Variants in SPRED2 observed in about 807,000 individuals in gnomAD.
SPRED2 encodes the protein sprouty-related, EVH1 domain-containing protein 2.
Under a neutral mutation model 43.0 loss-of-function variants are expected in SPRED2, and 47 were observed. That is an observed-to-expected ratio of 1.09 (90% CI 0.87 to 1.40). The LOEUF is 1.40. SPRED2 is among the 40% of genes most tolerant of loss of function. The pLI is 0.00. For synonymous variants in SPRED2, 225 were observed against 225.7 expected (o/e 1.00, Z 0.03); for missense variants, 561 against 586.4 (o/e 0.96, Z 0.45).
At chr2:65,381,362 T>C (rs144876263) in intron 1 of SPRED2, among the ~76,000 whole-genome samples, 1 of 152,192 alleles carries the variant, frequency 6.6e-6, no homozygotes, top group Non-Finnish European at 1.5e-5. Flanking sequence ...CCTTAACAGT[T>C]AAACACTCGG....
intron 2 of SPRED2, among the ~76,000 whole-genome samples, chr2:65,337,906 T>C (rs1674012961): frequency 6.6e-6 from 1 of 152,206 alleles, no homozygotes; most frequent in Non-Finnish European, 1.5e-5. Context: ...GTGGCAATAT[T>C]AAAAAATGTA....
intron 1 of SPRED2, among the ~76,000 whole-genome samples, chr2:65,408,371 T>TATG (rs1676073431): frequency 6.6e-6 from 1 of 151,952 alleles, no homozygotes; most frequent in South Asian, 2.1e-4. Context: ...TAAGGTAGAG[T>TATG]CAGAATTCAA....
At chr2:65,431,648 G>T (rs370723675) in intron 1 of SPRED2, among the ~76,000 whole-genome samples, 3 of 152,176 alleles carry the variant, frequency 2.0e-5, no homozygotes, top group Non-Finnish European at 4.4e-5. Flanking sequence ...TAGCCGCCGA[G>T]GATTTCGGGG....
chr2:65,391,403 G>C (rs1263805704), intron 1 of SPRED2, among the ~76,000 whole-genome samples: 2 of 152,178 alleles, frequency 1.3e-5, no homozygotes, highest in Admixed American at 6.5e-5. Context: ...TTCTGGTGTA[G>C]TTCCCGAAAT....
chr2:65,335,725 A>T (rs1351082841), intron 2 of SPRED2, among the ~76,000 whole-genome samples: 3 of 100,840 alleles, frequency 3.0e-5, no homozygotes, highest in Non-Finnish European at 6.3e-5. Flanking sequence ...AGATTATAAA[A>T]TAACCCCGTC....
At chr2:65,364,496 A>C (rs1487070226) in intron 1 of SPRED2, among the ~76,000 whole-genome samples, 1 of 152,228 alleles carries the variant, frequency 6.6e-6, no homozygotes, top group Non-Finnish European at 1.5e-5. Flanking sequence ...CTGATGGCTC[A>C]CAGTGCTTAA....
intron 1 of SPRED2, among the ~76,000 whole-genome samples, chr2:65,411,813 T>C (rs1003626046): frequency 2.0e-5 from 3 of 152,120 alleles, no homozygotes; most frequent in African/African-American, 7.2e-5. Flanking sequence ...GATTGAGTAC[T>C]CCGTAGTTTA....
downstream of SPRED2, among the ~76,000 whole-genome samples, chr2:65,310,654 C>G (rs554209682): frequency 6.6e-6 from 1 of 152,062 alleles, no homozygotes; most frequent in Non-Finnish European, 1.5e-5. Flanking sequence ...CTGAGGCATC[C>G]GAGCCCAAGG....
chr2:65,316,855 G>C lies in SPRED2; in HGVS notation c.467C>G (p.Ser156Cys). The change falls in exon 5 of 6, where the codon TCT becomes TGT. Residue 156 changes from serine to cysteine, a missense_variant. Transcript: ENST00000356388. ...TTATDSSSNS[S>C]QKREQPTRTI... is the part of the protein sequence containing the mutation. ...CCGAGTAGGTTGCTCTCTCTTCTGAGAGGAATTAGAAGAACTGTCTGTAGC... is the reference window on the plus strand; with the variant it reads ...CCGAGTAGGTTGCTCTCTCTTCTGACAGGAATTAGAAGAACTGTCTGTAGC... The C allele has an allele frequency of 1.2e-6, 2 of 1,613,930 alleles. No individual in the cohort carries two copies. The highest frequency in any genetic ancestry group is 1.7e-6 in the Non-Finnish European group (2 of 1,179,960).
At chr2:65,403,196 C>A (rs1049732947) in intron 1 of SPRED2, among the ~76,000 whole-genome samples, 1 of 152,208 alleles carries the variant, frequency 6.6e-6, no homozygotes, top group Non-Finnish European at 1.5e-5. Flanking sequence ...CAACAGCCTC[C>A]TAAGGAGACA....
At chr2:65,362,998 A>ATTTTTT (rs1558669510) in intron 1 of SPRED2, among the ~76,000 whole-genome samples, 1 of 102,158 alleles carries the variant, frequency 9.8e-6, no homozygotes, top group African/African-American at 4.4e-5. Context: ...TATGGTCATC[A>ATTTTTT]TGTTTTGTTT....
chr2:65,321,331 C>T (rs112617456), intron 4 of SPRED2, among the ~76,000 whole-genome samples: 19 of 152,166 alleles, frequency 1.2e-4, no homozygotes, highest in African/African-American at 4.3e-4. Context: ...TCTAAAAACA[C>T]TCTTGCCTTT....
chr2:65,417,656 A>C (rs1676319502), intron 1 of SPRED2, among the ~76,000 whole-genome samples: 1 of 152,230 alleles, frequency 6.6e-6, no homozygotes, highest in Non-Finnish European at 1.5e-5. Flanking sequence ...CACAGTACCC[A>C]AAACAGGCCT....
Position 65,344,664 on chromosome 2 carries a change from C to G in SPRED2, c.204+55G>C, listed in dbSNP as rs190182681. 96 of 1,589,036 alleles carry G rather than the reference C, an allele frequency of 6.0e-5. 2 individuals carry two copies. In the South Asian group the frequency reaches 1.0e-3, roughly 17 times the overall value. On this transcript the variant is annotated intron_variant, in intron 2 of 5. Transcript: ENST00000356388. ...TTAAGGAAAGAGGACTATGATTTAA[C>G]GTAAAGAAAGCAGTTGTTACTAATT... is the stretch of plus-strand genomic sequence containing the variant.
intron 1 of SPRED2, among the ~76,000 whole-genome samples, chr2:65,349,674 C>A (rs150172739): frequency 0.012 from 1,858 of 152,316 alleles, 20 homozygotes; most frequent in Non-Finnish European, 0.019. Context: ...TATGTTAGTG[C>A]CATAAACTTA....
Position 65,328,268 on chromosome 2 carries a change from C to T in SPRED2, c.438+3719G>A, listed in dbSNP as rs754197555. 2.0e-5 allele frequency among the ~76,000 whole-genome samples: 3 copies of T among 152,140 alleles called. No individual in the cohort carries two copies. The East Asian group carries it at 5.8e-4, about 29-fold the overall frequency. On this transcript the variant is annotated intron_variant, in intron 4 of 5. Transcript: ENST00000356388. ...CAAAGAGATGGCTGAGGTCTTAAGC[C>T]AATGTACCAGTTTAAATGCACATCG...
At chr2:65,350,792 G>A (rs1034393622) in intron 1 of SPRED2, among the ~76,000 whole-genome samples, 3 of 152,198 alleles carry the variant, frequency 2.0e-5, no homozygotes, top group African/African-American at 7.2e-5. Context: ...AGCAGGCCCC[G>A]TCTGGGCCAC....
At chr2:65,328,743 C>A (rs1238083587) in intron 4 of SPRED2, among the ~76,000 whole-genome samples, 2 of 152,182 alleles carry the variant, frequency 1.3e-5, no homozygotes, top group African/African-American at 4.8e-5. Context: ...TCTTCAGACT[C>A]CAAACACAGG....
chr2:65,344,649 A>G, intron 2 of SPRED2, 70 bp downstream of exon 2: 1 of 1,553,748 alleles, frequency 6.4e-7, no homozygotes. Flanking sequence ...TTAAGGAAAG[A>G]GGACTATGAT....
Sources: gnomAD v4.1 joint callset for allele counts (sites outside exome capture counted in the v4.1 genomes callset) on GRCh38, gnomAD v4.1.1 for gene constraint, MANE v1.5 for transcripts, NCBI Gene and HGNC (gene_info 2026-07-23, HGNC 2026-07-21) for gene names.